IMMP2L: variants seen among roughly 807,000 people sequenced by gnomAD.
The protein encoded by IMMP2L is inner mitochondrial membrane peptidase subunit 2, also known as mitochondrial inner membrane protease subunit 2.
IMMP2L carries 18 observed loss-of-function variants against 19.3 expected under a neutral mutation model. That is an observed-to-expected ratio of 0.93 (90% CI 0.64 to 1.38). The LOEUF (loss-of-function observed/expected upper bound fraction) is 1.38, where lower values mean the gene tolerates loss of function less well. Among genes scored for constraint, IMMP2L ranks in the 40% most tolerant of loss-of-function variants. IMMP2L has a pLI of 0.00. For synonymous variants in IMMP2L, 76 were observed against 73.0 expected (o/e 1.04, Z -0.21); for missense variants, 233 against 218.2 (o/e 1.07, Z -0.43).
intron 5 of IMMP2L, among the ~76,000 whole-genome samples, chr7:110,849,435 A>G (rs547378323): frequency 4.5e-4 from 68 of 152,228 alleles, no homozygotes; most frequent in African/African-American, 1.5e-3. Context: ...CCCAAATATC[A>G]CTCATAGTCC....
intron 3 of IMMP2L, among the ~76,000 whole-genome samples, chr7:111,473,597 T>C (rs751907952): frequency 6.6e-6 from 1 of 152,156 alleles, no homozygotes; most frequent in East Asian, 1.9e-4. Context: ...TGAATGACAT[T>C]GTTGGTGTTT....
chr7:111,034,165 A>T (rs567696190), intron 3 of IMMP2L, among the ~76,000 whole-genome samples: 1 of 152,292 alleles, frequency 6.6e-6, no homozygotes, highest in African/African-American at 2.4e-5. Flanking sequence ...AAGTAGTTAC[A>T]AAATGAGGAG....
intron 3 of IMMP2L, among the ~76,000 whole-genome samples, chr7:111,154,587 C>T (rs933606446): frequency 6.6e-6 from 1 of 152,054 alleles, no homozygotes; most frequent in African/African-American, 2.4e-5. Flanking sequence ...AAACTAACTA[C>T]AAGAAGGAAT....
chr7:111,392,842 A>T (rs778547091), intron 3 of IMMP2L: 1 of 456,620 alleles, frequency 2.2e-6, no homozygotes, highest in South Asian at 1.5e-5. Context: ...GAAGAGCCAG[A>T]TGAGGAGGTA....
At chr7:110,918,797 CTCT>C (rs1813928582) in intron 4 of IMMP2L, among the ~76,000 whole-genome samples, 1 of 152,032 alleles carries the variant, frequency 6.6e-6, no homozygotes, top group Non-Finnish European at 1.5e-5. Flanking sequence ...CCTTACATCG[CTCT>C]TCTTGTCATT....
intron 3 of IMMP2L, among the ~76,000 whole-genome samples, chr7:111,311,404 A>G (rs758322647): frequency 2.6e-5 from 4 of 152,120 alleles, no homozygotes; most frequent in African/African-American, 4.8e-5. Context: ...ACAATGGTCA[A>G]GCATTTTGGG....
chr7:111,447,391 G>A (rs1028106494), intron 3 of IMMP2L, among the ~76,000 whole-genome samples: 1 of 148,136 alleles, frequency 6.8e-6, no homozygotes, highest in Non-Finnish European at 1.5e-5. Flanking sequence ...GAAGAGAGTG[G>A]GGGCCAATAT....
At chr7:110,905,801 G>T (rs1355107862) in intron 4 of IMMP2L, among the ~76,000 whole-genome samples, 1 of 152,104 alleles carries the variant, frequency 6.6e-6, no homozygotes, top group Admixed American at 6.6e-5. Flanking sequence ...TTTTTTTAAA[G>T]TTGGCAAAGG....
chr7:111,188,189 A>G (rs1041986418), intron 3 of IMMP2L, among the ~76,000 whole-genome samples: 3 of 152,156 alleles, frequency 2.0e-5, no homozygotes, highest in African/African-American at 7.2e-5. Context: ...TGCTTTTTCA[A>G]TAACAGCTTA....
chr7:111,011,832 A>G (rs1237826681), intron 3 of IMMP2L, among the ~76,000 whole-genome samples: 1 of 152,156 alleles, frequency 6.6e-6, no homozygotes, highest in Non-Finnish European at 1.5e-5. Context: ...TTGGGTGGGG[A>G]AGGGTATGCC....
intron 1 of IMMP2L, among the ~76,000 whole-genome samples, chr7:111,542,686 T>G (rs1848596695): frequency 6.6e-6 from 1 of 152,174 alleles, no homozygotes; most frequent in Admixed American, 6.6e-5. Flanking sequence ...AAAAGTGTTC[T>G]GAATACACAA....
chr7:111,243,490 C>G (rs534832628), intron 3 of IMMP2L, among the ~76,000 whole-genome samples: 1 of 147,484 alleles, frequency 6.8e-6, no homozygotes, highest in Admixed American at 7.0e-5. Flanking sequence ...GTAAAGTGTT[C>G]AACTCTATAT....
At chr7:110,882,528 G>A (rs533115278) in intron 5 of IMMP2L, among the ~76,000 whole-genome samples, 2 of 152,052 alleles carry the variant, frequency 1.3e-5, no homozygotes, top group African/African-American at 4.8e-5. Flanking sequence ...TTACAGGCAT[G>A]TGCCACCACA....
chr7:111,405,539 T>C (rs1833832946), intron 3 of IMMP2L, among the ~76,000 whole-genome samples: 1 of 152,132 alleles, frequency 6.6e-6, no homozygotes, highest in Admixed American at 6.5e-5. Flanking sequence ...ATGTGTAAGA[T>C]TATAAAAGAT....
At chr7:110,843,973 A>C (rs1805377756) in intron 5 of IMMP2L, among the ~76,000 whole-genome samples, 1 of 152,152 alleles carries the variant, frequency 6.6e-6, no homozygotes. Flanking sequence ...GCAGACTGTT[A>C]CAGACTGGGT....
rs530240167 is a variant in IMMP2L at position 110,758,667 on chromosome 7, C to T, written c.409-94946G>A. Among the ~76,000 whole-genome samples the T allele has an allele frequency of 9.2e-5, 14 of 152,220 alleles. No individual in the cohort carries two copies. Among genetic ancestry groups the T allele is most frequent in the Middle Eastern group, 3.4e-3 (1 of 294 alleles). On this transcript the variant is annotated intron_variant, in intron 5 of 5. Coordinates refer to ENST00000405709, the MANE Select transcript of IMMP2L (RefSeq NM_032549.4). This position sits in a 1 kb window ranked among gnomAD's most constrained non-coding sequence, Gnocchi z 4.6. ...TCCAATACTTTGTGAGCAGTTAGGA[C>T]GTTAGTATATAATCAAGATCTTGGA... is the stretch of plus-strand genomic sequence containing the variant.
intron 3 of IMMP2L, among the ~76,000 whole-genome samples, chr7:111,015,782 A>C (rs958893728): frequency 6.6e-6 from 1 of 152,124 alleles, no homozygotes; most frequent in Non-Finnish European, 1.5e-5. Flanking sequence ...CTCTGTGAAT[A>C]TATTAAGACC....
chr7:111,484,974 G>A (rs1165176882), intron 3 of IMMP2L, among the ~76,000 whole-genome samples: 1 of 151,978 alleles, frequency 6.6e-6, no homozygotes, highest in Non-Finnish European at 1.5e-5. Context: ...TTTTTGTAGA[G>A]ACAGGGTTTC....
chr7:111,095,315 G>C (rs1797289443), intron 3 of IMMP2L, among the ~76,000 whole-genome samples: 1 of 151,762 alleles, frequency 6.6e-6, no homozygotes, highest in Non-Finnish European at 1.5e-5. Context: ...TTATTGGAGA[G>C]GCCTAGGTTA....
Sources: gnomAD v4.1 joint callset for allele counts (sites outside exome capture counted in the v4.1 genomes callset) on GRCh38, gnomAD v4.1.1 for gene constraint, Gnocchi (gnomAD v3.1) non-coding constraint, MANE v1.5 for transcripts, NCBI Gene and HGNC (gene_info 2026-07-23, HGNC 2026-07-21) for gene names.